CRIM1: variants seen among roughly 807,000 people sequenced by gnomAD.
CRIM1 encodes cysteine rich transmembrane BMP regulator 1.
In CRIM1, 32 loss-of-function variants were observed where a neutral mutation model predicts 116.4. The ratio of observed to expected loss-of-function variants is 0.27; its 90% confidence interval spans 0.21 to 0.37. The LOEUF is 0.37. Among genes scored for constraint, CRIM1 ranks in the 10% least tolerant of loss-of-function variants. The pLI is 1.00. For missense variants in CRIM1, 1,331 were observed against 1,354.8 expected, an observed-to-expected ratio of 0.98 and a Z score of 0.28; for synonymous variants, 590 against 509.2, an observed-to-expected ratio of 1.16 and a Z score of -2.13.
intron 4 of CRIM1, among the ~76,000 whole-genome samples, chr2:36,460,614 G>A (rs1175898606): frequency 6.6e-6 from 1 of 152,168 alleles, no homozygotes; most frequent in African/African-American, 2.4e-5. Context: ...AAATAGCTCT[G>A]CCTGGGGTGG....
chr2:36,431,375 A>G (rs1010729290), intron 2 of CRIM1, among the ~76,000 whole-genome samples: 1 of 152,060 alleles, frequency 6.6e-6, no homozygotes, highest in African/African-American at 2.4e-5. Flanking sequence ...TGCCCTGTAC[A>G]CTCTATTCAG....
chr2:36,519,489 A>T (rs1182870593), intron 12 of CRIM1, among the ~76,000 whole-genome samples: 1 of 152,246 alleles, frequency 6.6e-6, no homozygotes, highest in Non-Finnish European at 1.5e-5. Context: ...AAAAATAAAA[A>T]GCCTTAAAAC....
intron 4 of CRIM1, among the ~76,000 whole-genome samples, chr2:36,450,020 G>A (rs1339564476): frequency 6.6e-6 from 1 of 152,128 alleles, no homozygotes; most frequent in Non-Finnish European, 1.5e-5. Context: ...TCAGTGGTTA[G>A]TTGACTATTG....
At chr2:36,384,102 T>A (rs149351562) in intron 1 of CRIM1, among the ~76,000 whole-genome samples, 1 of 152,324 alleles carries the variant, frequency 6.6e-6, no homozygotes, top group Non-Finnish European at 1.5e-5. Flanking sequence ...ACCACAGTGG[T>A]ATCTGGTTTG....
intron 9 of CRIM1, 124 bp downstream of exon 9, chr2:36,510,263 C>T (rs1380502798): frequency 1.9e-5 from 17 of 881,982 alleles, no homozygotes; most frequent in Non-Finnish European, 2.4e-5. Flanking sequence ...AATGTCTATA[C>T]TTGTTTTGTT....
chr2:36,368,860 G>A (rs946550754), intron 1 of CRIM1, among the ~76,000 whole-genome samples: 9 of 152,074 alleles, frequency 5.9e-5, no homozygotes, highest in Non-Finnish European at 1.3e-4. Flanking sequence ...ACTCCAATCT[G>A]TGAAATTGTT....
At chr2:36,487,768 T>C (rs199836436) in intron 7 of CRIM1, among the ~76,000 whole-genome samples, 1 of 152,130 alleles carries the variant, frequency 6.6e-6, no homozygotes, top group Non-Finnish European at 1.5e-5. Context: ...TCAATAACAC[T>C]TATTTGTAAG....
chr2:36,420,322 C>T (rs1673952595), intron 2 of CRIM1, among the ~76,000 whole-genome samples: 1 of 152,066 alleles, frequency 6.6e-6, no homozygotes, highest in African/African-American at 2.4e-5. Context: ...ATTTAATATA[C>T]CCAAGAATCC....
In CRIM1 at chr2:36,548,757, A is replaced by AAAAGT; in HGVS notation, c.*60_*64dup. The AAAAGT allele has an allele frequency of 7.0e-7, 1 of 1,423,544 alleles. No individual in the cohort carries two copies. The highest frequency in any genetic ancestry group is 2.3e-5 in the East Asian group (1 of 43,438). The allele number at this position is 1,423,544 out of a possible 1,614,324, so 88.2% of individuals were successfully genotyped here. A position where few individuals can be genotyped will look rare whatever the true frequency, so the allele number is the denominator to read the frequency against. ...ACGGAAGACGACTAAATCTGCTCTA[A>AAAAGT]AAAGTAAACTAGAATTTGTGCACTT... On this transcript the variant is annotated 3_prime_UTR_variant, in exon 17 of 17. Coordinates refer to ENST00000280527, the MANE Select transcript of CRIM1 (RefSeq NM_016441.3).
intron 2 of CRIM1, among the ~76,000 whole-genome samples, chr2:36,397,661 C>G (rs1202409316): frequency 6.6e-6 from 1 of 152,112 alleles, no homozygotes; most frequent in African/African-American, 2.4e-5. Flanking sequence ...GTCCAAAAAT[C>G]AAGCTTATAA....
At chr2:36,484,372 A>T (rs1192456485) in intron 7 of CRIM1, among the ~76,000 whole-genome samples, 1 of 152,140 alleles carries the variant, frequency 6.6e-6, no homozygotes, top group Non-Finnish European at 1.5e-5. Context: ...AATGCTGCCA[A>T]AGCTGATTCT....
chr2:36,359,562 A>G (rs1246349990), intron 1 of CRIM1, among the ~76,000 whole-genome samples: 1 of 152,190 alleles, frequency 6.6e-6, no homozygotes, highest in Non-Finnish European at 1.5e-5. Context: ...AGTACATTGA[A>G]CAAACGGAAG....
In CRIM1 at chr2:36,476,053, G is replaced by C. The variant is rs374884331; in HGVS notation, c.992-836G>C. 3.3e-5 allele frequency among the ~76,000 whole-genome samples: 5 copies of C among 151,558 alleles called. No homozygotes were observed. In the South Asian group the frequency reaches 8.5e-4, roughly 26 times the overall value. On this transcript the variant is annotated intron_variant, in intron 5 of 16. Coordinates refer to ENST00000280527, the MANE Select transcript of CRIM1 (RefSeq NM_016441.3). ...GTAGTTGTGTTTTCTTGTCTTGGTG[G>C]GAGTTATTTTAAATCAACTAAAATT...
chr2:36,376,818 A>T (rs1670355410), intron 1 of CRIM1, among the ~76,000 whole-genome samples: 1 of 152,186 alleles, frequency 6.6e-6, no homozygotes, highest in African/African-American at 2.4e-5. Flanking sequence ...GAGGGTTTTT[A>T]AAAATAATGA....
At chr2:36,446,811 C>G (rs1208131334) in intron 4 of CRIM1, among the ~76,000 whole-genome samples, 1 of 152,158 alleles carries the variant, frequency 6.6e-6, no homozygotes, top group South Asian at 2.1e-4. Context: ...GGCCTAAACA[C>G]TACACAGTGA....
At chr2:36,476,026 C>T (rs771059176) in intron 5 of CRIM1, among the ~76,000 whole-genome samples, 1 of 150,224 alleles carries the variant, frequency 6.7e-6, no homozygotes, top group African/African-American at 2.5e-5. Context: ...ATATACTGAT[C>T]TGTAGTTGTG....
intron 1 of CRIM1, among the ~76,000 whole-genome samples, chr2:36,395,987 G>A (rs1280234562): frequency 3.3e-5 from 5 of 152,116 alleles, no homozygotes; most frequent in Non-Finnish European, 5.9e-5. Flanking sequence ...ATGCAGTGGC[G>A]TGATCAACCT....
intron 1 of CRIM1, among the ~76,000 whole-genome samples, chr2:36,382,359 C>T (rs1220555013): frequency 6.6e-6 from 1 of 152,202 alleles, no homozygotes; most frequent in African/African-American, 2.4e-5. Context: ...TGCTGCCATA[C>T]CTGAAGGGCT....
At chr2:36,457,385 T>G (rs1221226738) in intron 4 of CRIM1, among the ~76,000 whole-genome samples, 1 of 152,116 alleles carries the variant, frequency 6.6e-6, no homozygotes, top group African/African-American at 2.4e-5. Flanking sequence ...AGTGATTTTT[T>G]CTGGTGGTCT....
Sources: allele counts gnomAD v4.1 joint callset (sites outside exome capture counted in the v4.1 genomes callset), GRCh38; gene constraint gnomAD v4.1.1; transcripts MANE v1.5; gene names NCBI Gene and HGNC (gene_info 2026-07-23, HGNC 2026-07-21).